The following PECAM1 variants were observed in gnomAD, a reference collection of about 807,000 sequenced individuals.
PECAM1 encodes the protein platelet endothelial cell adhesion molecule.
PECAM1 carries 8 observed loss-of-function variants against 13.8 expected under a neutral mutation model. That is an observed-to-expected ratio of 0.58 (90% CI 0.34 to 1.05). The LOEUF is 1.05. Ranked by LOEUF, PECAM1 falls within the 50% of genes least tolerant of loss-of-function variation. PECAM1 has a pLI of 0.03. For missense variants in PECAM1, 304 were observed against 141.2 expected (o/e 2.15, Z -5.84); for synonymous variants, 136 against 52.6 (o/e 2.58, Z -6.86).
intron 4 of PECAM1, among the ~76,000 whole-genome samples, chr17:64,373,890 G>A (rs999499591): frequency 0.011 from 1,608 of 152,172 alleles, 44 homozygotes; most frequent in African/African-American, 0.035. Flanking sequence ...AAATGAGACC[G>A]GGTCCTGGGA....
In PECAM1 at chr17:64,323,297, G is replaced by T; in HGVS notation, c.*519C>A. The T allele has an allele frequency of 1.0e-6, 1 of 1,003,160 alleles. No homozygotes were observed. The highest frequency in any genetic ancestry group is 1.2e-6 in the Non-Finnish European group (1 of 840,290). The allele number at this position is 1,003,160 out of a possible 1,614,324, so 62.1% of individuals were successfully genotyped here. ...TTGTGGAGGGCGAGGTCATAGAGGGGACAGGGGGAGGCTGTCTGGTCAGCA... is the reference window on the plus strand; with the variant it reads ...TTGTGGAGGGCGAGGTCATAGAGGGTACAGGGGGAGGCTGTCTGGTCAGCA... On this transcript the variant is annotated 3_prime_UTR_variant, in exon 16 of 16. Transcript: ENST00000563924.
rs9902260 is a variant in PECAM1, at chr17:64,322,512, C to T, written c.*1304G>A. 523,623 of 984,592 alleles carry T rather than the reference C, an allele frequency of 0.53. 140,340 individuals are homozygous for T. Among genetic ancestry groups the T allele is most frequent in the East Asian group, 0.69 (6,028 of 8,786 alleles). The allele number at this position is 984,592 out of a possible 1,614,324, so 61.0% of individuals were successfully genotyped here. On this transcript the variant is annotated 3_prime_UTR_variant, in exon 16 of 16. Coordinates refer to ENST00000563924, the MANE Select transcript of PECAM1 (RefSeq NM_000442.5). ...CAACATTTCACAGATCTGCAAAGAGCAAAGGTCAAATTTATTTAATACAAC... is the reference window on the plus strand; with the variant it reads ...CAACATTTCACAGATCTGCAAAGAGTAAAGGTCAAATTTATTTAATACAAC...
chr17:64,356,408 A>C lies in PECAM1; in HGVS notation c.1493-10T>G, dbSNP rs2035847303. On this transcript the variant is annotated splice_polypyrimidine_tract_variant and intron_variant, in intron 7 of 15. Transcript: ENST00000563924. ...ACCTCATCCACCGGGGCTGAAAAGC[A>C]GGAAAAGGATTCACACTGAGCAAAG... 1 of 459,594 alleles carries C rather than the reference A, an allele frequency of 2.2e-6. No homozygotes were observed. Among genetic ancestry groups the C allele is most frequent in the African/African-American group, 2.0e-5 (1 of 50,166 alleles). The allele number at this position is 459,594 out of a possible 1,614,324, so 28.5% of individuals were successfully genotyped here. A position where few individuals can be genotyped will look rare whatever the true frequency, so the allele number is the denominator to read the frequency against.
At chr17:64,383,639 C>A (rs2036530725) in intron 2 of PECAM1, among the ~76,000 whole-genome samples, 2 of 152,212 alleles carry the variant, frequency 1.3e-5, no homozygotes. Context: ...CTCAGCACAA[C>A]CCTTGCGTGA....
intron 2 of PECAM1, among the ~76,000 whole-genome samples, chr17:64,389,215 G>A (rs1403535294): frequency 6.6e-6 from 1 of 152,156 alleles, no homozygotes; most frequent in South Asian, 2.1e-4. Flanking sequence ...AAAGAGCTGT[G>A]CAATTTGCCT....
chr17:64,327,011 C>G (rs1784803552), intron 15 of PECAM1, among the ~76,000 whole-genome samples: 1 of 152,198 alleles, frequency 6.6e-6, no homozygotes, highest in Non-Finnish European at 1.5e-5. Flanking sequence ...TTATGATTCC[C>G]AGTTTACAGA....
intron 13 of PECAM1, among the ~76,000 whole-genome samples, chr17:64,343,562 C>A (rs1291241724): frequency 6.6e-6 from 1 of 152,138 alleles, no homozygotes; most frequent in African/African-American, 2.4e-5. Context: ...CCTGGGGGCA[C>A]CTGTCCAAGT....
chr17:64,334,110 G>T (rs1385819010), intron 14 of PECAM1, among the ~76,000 whole-genome samples: 1 of 111,350 alleles, frequency 9.0e-6, no homozygotes, highest in Non-Finnish European at 1.9e-5. Context: ...GGCGCCTCAT[G>T]ATACAACAAT....
chr17:64,378,578 G>T (rs1289239434), intron 2 of PECAM1, among the ~76,000 whole-genome samples: 10 of 151,890 alleles, frequency 6.6e-5, no homozygotes, highest in Non-Finnish European at 1.3e-4. Context: ...GGAGGCGGGG[G>T]TTGCAGTGAG....
intron 14 of PECAM1, among the ~76,000 whole-genome samples, chr17:64,332,850 G>A (rs1039123092): frequency 6.6e-6 from 1 of 152,176 alleles, no homozygotes; most frequent in Non-Finnish European, 1.5e-5. Context: ...TGAATTCCAG[G>A]CAAATAGAAA....
intron 12 of PECAM1, among the ~76,000 whole-genome samples, chr17:64,348,865 C>T (rs1598017796): frequency 6.6e-6 from 1 of 152,174 alleles, no homozygotes; most frequent in Non-Finnish European, 1.5e-5. Context: ...TACAGGGCCT[C>T]GGGGCCCATG....
intron 14 of PECAM1, among the ~76,000 whole-genome samples, chr17:64,336,790 G>A (rs2035288565): frequency 6.6e-6 from 1 of 151,892 alleles, no homozygotes; most frequent in Non-Finnish European, 1.5e-5. Flanking sequence ...CCCAGGAGGT[G>A]GAGGCTGCTG....
intron 8 of PECAM1, among the ~76,000 whole-genome samples, chr17:64,355,892 T>C (rs993014024): frequency 6.6e-6 from 1 of 152,210 alleles, no homozygotes; most frequent in Non-Finnish European, 1.5e-5. Flanking sequence ...ATTGGAACGA[T>C]GTGACATTCT....
intron 14 of PECAM1, among the ~76,000 whole-genome samples, chr17:64,340,301 C>G (rs2035393230): frequency 6.6e-6 from 1 of 152,084 alleles, no homozygotes; most frequent in Admixed American, 6.6e-5. Flanking sequence ...GCCGACTGTA[C>G]TCGGAGGAGT....
chr17:64,347,638 TA>T (rs2035607927), intron 13 of PECAM1, among the ~76,000 whole-genome samples: 1 of 138,450 alleles, frequency 7.2e-6, no homozygotes, highest in Admixed American at 8.0e-5. Flanking sequence ...TAAAAATATA[TA>T]AAATATTATA....
intron 15 of PECAM1, 164 bp from the exon 16 acceptor site, chr17:64,324,009 G>T: frequency 1.2e-6 from 1 of 847,112 alleles, no homozygotes; most frequent in Non-Finnish European, 2.0e-6. Context: ...TGACTTCAGA[G>T]GCCCAAGGAG....
At chr17:64,335,149 A>C (rs1364887777) in intron 14 of PECAM1, among the ~76,000 whole-genome samples, 11 of 152,146 alleles carry the variant, frequency 7.2e-5, no homozygotes, top group African/African-American at 2.7e-4. Context: ...GTTTTAATAA[A>C]GCCCGAGGAC....
chr17:64,343,884 C>T (rs1382155467), intron 13 of PECAM1, among the ~76,000 whole-genome samples: 1 of 152,198 alleles, frequency 6.6e-6, no homozygotes, highest in Non-Finnish European at 1.5e-5. Flanking sequence ...ATCCCCAAGA[C>T]ACCCTCTGCT....
At chr17:64,330,900 A>ATT (rs2035095779) in intron 14 of PECAM1, among the ~76,000 whole-genome samples, 1 of 152,166 alleles carries the variant, frequency 6.6e-6, no homozygotes, top group Non-Finnish European at 1.5e-5. Context: ...CTTAAGCATA[A>ATT]TTGTCCAATT....
Sources: allele counts gnomAD v4.1 joint callset (sites outside exome capture counted in the v4.1 genomes callset), GRCh38; gene constraint gnomAD v4.1.1; transcripts MANE v1.5; gene names NCBI Gene and HGNC (gene_info 2026-07-23, HGNC 2026-07-21).